The following CCDC186 variants were observed in gnomAD, a reference collection of about 807,000 sequenced individuals.
CCDC186 encodes coiled-coil domain containing 186.
Under a neutral mutation model 113.7 loss-of-function variants are expected in CCDC186, and 49 were observed. The ratio of observed to expected loss-of-function variants is 0.43; its 90% CI spans 0.34 to 0.55. CCDC186 has a LOEUF of 0.55. CCDC186 is among the 20% of genes least tolerant of loss of function. CCDC186 has a pLI of 0.02. For synonymous variants in CCDC186, 355 were observed against 345.8 expected (o/e 1.03, Z -0.30); for missense variants, 890 against 1,011.1 (o/e 0.88, Z 1.62).
intron 1 of CCDC186, among the ~76,000 whole-genome samples, chr10:114,164,098 GTGT>G (rs2032259047): frequency 8.2e-6 from 1 of 122,426 alleles, no homozygotes; most frequent in African/African-American, 3.6e-5. Context: ...GTGTGTGTGT[GTGT>G]GTATATATAT....
chr10:114,153,778 T>C (rs1442567185), intron 3 of CCDC186, among the ~76,000 whole-genome samples: 2 of 124,332 alleles, frequency 1.6e-5, no homozygotes, highest in Non-Finnish European at 3.3e-5. Flanking sequence ...AAGAGCGAAA[T>C]GACGTCTCAA....
intron 6 of CCDC186, among the ~76,000 whole-genome samples, chr10:114,139,637 A>G (rs1267098062): frequency 1.3e-5 from 2 of 152,086 alleles, no homozygotes; most frequent in African/African-American, 4.8e-5. Context: ...TAAATCTACC[A>G]TGTAAGTACT....
At chr10:114,134,148 T>C (rs533455324) in intron 10 of CCDC186, among the ~76,000 whole-genome samples, 5 of 152,306 alleles carry the variant, frequency 3.3e-5, no homozygotes, top group Admixed American at 3.3e-4. Context: ...ATGGGACTGA[T>C]GGCAAAACGT....
At position 114,163,188 on chromosome 10, in the gene CCDC186, G is replaced by C; in HGVS notation, c.81C>G (p.Cys27Trp). ...GKTPELKEDS[C>W]NLFSGNESSK... Reference sequence around the variant, plus strand: ...TGCTTTCATTGCCAGAAAACAAGTTGCATGAGTCTTCCTTTAATTCAGGTG... The same window carrying C: ...TGCTTTCATTGCCAGAAAACAAGTTCCATGAGTCTTCCTTTAATTCAGGTG... The change falls in exon 2 of 16, where the codon TGC becomes TGG. Residue 27 changes from cysteine (C) to tryptophan (W), a missense_variant. Cys to Trp is a radical substitution (Grantham distance 215). Transcript: ENST00000369287. The C allele has an allele frequency of 6.2e-7, 1 of 1,613,882 alleles. No individual in the cohort carries two copies.
intron 15 of CCDC186, among the ~76,000 whole-genome samples, chr10:114,125,644 C>A (rs972172560): frequency 1.3e-5 from 2 of 152,078 alleles, no homozygotes; most frequent in Non-Finnish European, 2.9e-5. Flanking sequence ...CAAAGCCCAT[C>A]CAATGCAAAT....
chr10:114,166,429 A>G (rs1446841179), intron 1 of CCDC186, among the ~76,000 whole-genome samples: 1 of 152,220 alleles, frequency 6.6e-6, no homozygotes, highest in Non-Finnish European at 1.5e-5. Flanking sequence ...CACAAGTACA[A>G]AAATAGTCTC....
chr10:114,129,697 T>C (rs1307650490), intron 13 of CCDC186, among the ~76,000 whole-genome samples, 194 bp downstream of exon 13: 2 of 152,004 alleles, frequency 1.3e-5, no homozygotes, highest in African/African-American at 4.8e-5. Context: ...ACTCAGCTGA[T>C]TTTTGTATTT....
intron 1 of CCDC186, among the ~76,000 whole-genome samples, chr10:114,168,830 G>C (rs1363869192): frequency 6.6e-6 from 1 of 152,116 alleles, no homozygotes. Context: ...CTCTATCTGT[G>C]CAGCAGGCAA....
intron 1 of CCDC186, among the ~76,000 whole-genome samples, chr10:114,166,105 G>T (rs1217500576): frequency 6.6e-6 from 1 of 152,134 alleles, no homozygotes; most frequent in East Asian, 1.9e-4. Context: ...GAGGTTAGGA[G>T]TGTTTTACAC....
intron 2 of CCDC186, 51 bp from the exon 3 acceptor site, chr10:114,157,731 A>T: frequency 7.2e-7 from 1 of 1,389,180 alleles, no homozygotes; most frequent in Non-Finnish European, 9.8e-7. Context: ...AATGGAGATA[A>T]AATAATATGT....
intron 1 of CCDC186, 36 bp from the exon 2 acceptor site, chr10:114,163,365 T>C (rs779781910): frequency 6.7e-7 from 1 of 1,503,060 alleles, no homozygotes. Flanking sequence ...AAAACCACTT[T>C]AAACCAAAAC....
At chr10:114,147,781 T>G (rs962808075) in intron 4 of CCDC186, among the ~76,000 whole-genome samples, 2 of 151,894 alleles carry the variant, frequency 1.3e-5, no homozygotes, top group Non-Finnish European at 1.5e-5. Flanking sequence ...AGTTGAGAGA[T>G]AGGGGGTAGA....
chr10:114,132,336 A>T, intron 10 of CCDC186, 152 bp from the exon 11 acceptor site: 1 of 597,652 alleles, frequency 1.7e-6, no homozygotes, highest in Non-Finnish European at 2.7e-6. Context: ...GCCAGGAAAT[A>T]AGAGCTGGAA....
Position 114,144,572 on chromosome 10 carries a change from C to A in CCDC186, c.1146G>T (p.Lys382Asn). Residue 382 changes from lysine (K) to asparagine (N), a missense_variant, in exon 6 of 16, where the codon AAG becomes AAT. By Grantham distance (94) the Lys-to-Asn change is moderately conservative (BLOSUM62 0). Coordinates refer to ENST00000369287, the MANE Select transcript of CCDC186 (RefSeq NM_018017.4). ...TGATGACGTGAGAGTTAATGTCTTC[C>A]TTTAATTTGTCTATTTCTCTGATGA... ...TRLIREIDKLKEDINSHVIKV... is the reference protein window; with the variant it reads ...TRLIREIDKLNEDINSHVIKV... 1 of 1,612,866 alleles carries A rather than the reference C, an allele frequency of 6.2e-7. No individual in the cohort carries two copies.
chr10:114,129,841 T>C (rs376447015), intron 13 of CCDC186, 50 bp downstream of exon 13: 2 of 1,567,038 alleles, frequency 1.3e-6, no homozygotes, highest in African/African-American at 1.4e-5. Context: ...AAAATGCTAT[T>C]TATTTTTATA....
At chr10:114,168,164 T>C (rs953063377) in intron 1 of CCDC186, 7 of 152,212 alleles carry the variant, frequency 4.6e-5, no homozygotes. Context: ...TGTTTCTGTT[T>C]CTGACACAGT....
chr10:114,129,782 G>A (rs954204246), intron 13 of CCDC186, 109 bp downstream of exon 13: 19 of 882,450 alleles, frequency 2.2e-5, no homozygotes, highest in African/African-American at 1.9e-4. Flanking sequence ...CACTCATCTC[G>A]TCCTCCCAAA....
intron 10 of CCDC186, among the ~76,000 whole-genome samples, chr10:114,132,535 A>G (rs1041890970): frequency 1.3e-5 from 2 of 152,236 alleles, no homozygotes; most frequent in African/African-American, 2.4e-5. Flanking sequence ...AAGATCAGAT[A>G]GTAAATAAGT....
At chr10:114,149,289 T>C (rs544877502) in intron 4 of CCDC186, among the ~76,000 whole-genome samples, 97 of 152,002 alleles carry the variant, frequency 6.4e-4, no homozygotes, top group Non-Finnish European at 1.3e-3. Context: ...TACATAGCAG[T>C]GAGTGCAGTA....
Sources: gnomAD v4.1 joint callset for allele counts (sites outside exome capture counted in the v4.1 genomes callset) on GRCh38, gnomAD v4.1.1 for gene constraint, MANE v1.5 for transcripts, NCBI Gene and HGNC (gene_info 2026-07-23, HGNC 2026-07-21) for gene names.